CAMTA1: variants seen among roughly 807,000 people sequenced by gnomAD.
CAMTA1 encodes calmodulin binding transcription activator 1.
Under a neutral mutation model 170.9 loss-of-function variants are expected in CAMTA1, and 27 were observed. That is an observed-to-expected ratio of 0.16 (90% confidence interval 0.12 to 0.22). The LOEUF (loss-of-function observed/expected upper bound fraction) is 0.22. Ranked by LOEUF, CAMTA1 falls within the 10% of genes least tolerant of loss-of-function variation. The probability of loss-of-function intolerance (pLI) is 1.00; values close to 1 mark genes in which losing one functional copy is unlikely to be tolerated. For synonymous variants in CAMTA1, 833 were observed against 891.5 expected (o/e 0.93, Z 1.17); for missense variants, 1,619 against 2,217.2 (o/e 0.73, Z 5.42).
At chr1:6,907,328 C>G (rs1678729433) in intron 3 of CAMTA1, among the ~76,000 whole-genome samples, 1 of 152,126 alleles carries the variant, frequency 6.6e-6, no homozygotes, top group African/African-American at 2.4e-5. Flanking sequence ...GGAGACATGG[C>G]AAACGAACTT....
chr1:7,031,124 T>A (rs1702741392), intron 3 of CAMTA1, among the ~76,000 whole-genome samples: 1 of 151,458 alleles, frequency 6.6e-6, no homozygotes, highest in African/African-American at 2.4e-5. Flanking sequence ...TGGGATTCCT[T>A]AATGTTTTAT....
intron 18 of CAMTA1, among the ~76,000 whole-genome samples, chr1:7,746,554 G>A (rs1357267514): frequency 1.3e-5 from 2 of 152,220 alleles, no homozygotes; most frequent in Non-Finnish European, 2.9e-5. Context: ...GAGGCATAGA[G>A]AATAACTGGC....
At chr1:6,855,109 CCT>C (rs926809322) in intron 3 of CAMTA1, among the ~76,000 whole-genome samples, 3 of 151,970 alleles carry the variant, frequency 2.0e-5, no homozygotes, top group East Asian at 1.9e-4. Context: ...TTAAAAAAAA[CCT>C]CTTTATAACT....
Position 7,641,012 on chromosome 1 carries a change from T to C in CAMTA1, c.664+459T>C, listed in dbSNP as rs2095756453. 6.6e-6 allele frequency among the ~76,000 whole-genome samples: 1 copy of C among 152,160 alleles called. No homozygotes were observed. Among genetic ancestry groups the C allele is most frequent in the Non-Finnish European group, 1.5e-5 (1 of 68,020 alleles). ...TCAGGGCCTGCCTCGGCTCCCAGGCTGGGTGGCAAATAGATGATGGTAATT... is the reference window on the plus strand; with the variant it reads ...TCAGGGCCTGCCTCGGCTCCCAGGCCGGGTGGCAAATAGATGATGGTAATT... On this transcript the variant is annotated intron_variant, in intron 7 of 22. Coordinates refer to ENST00000303635, the MANE Select transcript of CAMTA1 (RefSeq NM_015215.4). The surrounding 1 kb of genome is among the most constrained non-coding windows in gnomAD (Gnocchi z 4.5).
intron 6 of CAMTA1, among the ~76,000 whole-genome samples, chr1:7,546,313 T>C (rs1365503613): frequency 1.3e-5 from 2 of 152,228 alleles, no homozygotes; most frequent in Admixed American, 6.5e-5. Flanking sequence ...TCTATCCATG[T>C]CCCTGCAAAG....
intron 3 of CAMTA1, among the ~76,000 whole-genome samples, chr1:7,075,987 ACT>A (rs758241166): frequency 1.2e-4 from 18 of 152,128 alleles, no homozygotes; most frequent in Non-Finnish European, 1.5e-5. Flanking sequence ...TTAGACCCTA[ACT>A]TAGGTGCCTG....
At chr1:6,800,698 ACT>A (rs1643666208) in intron 1 of CAMTA1, among the ~76,000 whole-genome samples, 1 of 152,018 alleles carries the variant, frequency 6.6e-6, no homozygotes, top group African/African-American at 2.4e-5. Context: ...GTAAATGAAG[ACT>A]CTTCCTATTT....
At chr1:6,819,800 A>G (rs767810074) in intron 1 of CAMTA1, among the ~76,000 whole-genome samples, 3 of 152,238 alleles carry the variant, frequency 2.0e-5, no homozygotes, top group Non-Finnish European at 2.9e-5. Flanking sequence ...ATTCTCCTCC[A>G]TAACCACAAG....
intron 7 of CAMTA1, among the ~76,000 whole-genome samples, chr1:7,656,229 G>T (rs139801381): frequency 1.3e-5 from 2 of 152,356 alleles, no homozygotes; most frequent in South Asian, 4.1e-4. Context: ...CAGACTGGCG[G>T]CTTAAACAAC....
At chr1:7,434,451 CCATTCATT>C (rs34014428) in intron 5 of CAMTA1, among the ~76,000 whole-genome samples, 10,422 of 150,878 alleles carry the variant, frequency 0.069, 810 homozygotes, top group African/African-American at 0.19. Context: ...GAGGAAAGCA[CCATTCATT>C]CATTCATTCA....
At chr1:7,127,011 C>T (rs904848579) in intron 4 of CAMTA1, among the ~76,000 whole-genome samples, 7 of 152,158 alleles carry the variant, frequency 4.6e-5, no homozygotes, top group South Asian at 2.1e-4. Context: ...CCTCATGATC[C>T]ACCCACCTCA....
chr1:7,709,472 A>G (rs2096552863), intron 11 of CAMTA1, among the ~76,000 whole-genome samples: 1 of 152,244 alleles, frequency 6.6e-6, no homozygotes, highest in Admixed American at 6.5e-5. Context: ...GGTCAGTTCA[A>G]GGAGGAGTGA....
chr1:7,346,624 T>C (rs938589178), intron 5 of CAMTA1, among the ~76,000 whole-genome samples: 3 of 152,186 alleles, frequency 2.0e-5, no homozygotes, highest in Admixed American at 1.3e-4. Context: ...AAAATGGAAT[T>C]TGCGGGGAAG....
intron 4 of CAMTA1, among the ~76,000 whole-genome samples, chr1:7,184,190 C>T (rs889348704): frequency 2.6e-5 from 4 of 151,870 alleles, no homozygotes; most frequent in Admixed American, 6.6e-5. Context: ...AACAATTGAA[C>T]GCATGGAGAT....
intron 4 of CAMTA1, among the ~76,000 whole-genome samples, chr1:7,111,909 A>C (rs1337078047): frequency 6.6e-6 from 1 of 151,530 alleles, no homozygotes; most frequent in Non-Finnish European, 1.5e-5. Flanking sequence ...AAAAAAAAAA[A>C]AAACCGAAGA....
At chr1:7,038,061 C>T (rs143739226) in intron 3 of CAMTA1, among the ~76,000 whole-genome samples, 1 of 151,948 alleles carries the variant, frequency 6.6e-6, no homozygotes, top group Non-Finnish European at 1.5e-5. Context: ...AATGAGGCTA[C>T]GTTAGTGCCT....
At position 7,663,889 on chromosome 1, in the gene CAMTA1, G is replaced by T. The variant is rs1439677467; in HGVS notation, c.1342G>T (p.Gly448Cys). 6.2e-7 allele frequency: 1 copy of T among 1,613,912 alleles called. No individual in the cohort carries two copies. Among genetic ancestry groups the T allele is most frequent in the Non-Finnish European group, 8.5e-7 (1 of 1,180,044 alleles). ...CCACAAGTTCGCCTTTCCCACCACG[G>T]GCAGCTCGGAGAGCCTGTCCATGCT... ...DGHKFAFPTT[G>C]SSESLSMLPT... Residue 448 changes from glycine to cysteine, a missense_variant, in exon 9 of 23, where the codon GGC becomes TGC. By Grantham distance (159) the Gly-to-Cys change is radical. Coordinates refer to ENST00000303635, the MANE Select transcript of CAMTA1 (RefSeq NM_015215.4).
intron 3 of CAMTA1, among the ~76,000 whole-genome samples, chr1:6,836,487 G>A (rs369114071): frequency 1.3e-5 from 2 of 152,168 alleles, no homozygotes; most frequent in Non-Finnish European, 2.9e-5. Context: ...GTAAAATGGC[G>A]AGAACCTGGA....
rs79481153 is a variant in CAMTA1, at chr1:7,510,520, G to A, written c.510+42619G>A. Among the ~76,000 whole-genome samples, 33 of 146,670 alleles carry A rather than the reference G, an allele frequency of 2.2e-4. 5 individuals are homozygous for A. In the East Asian group the frequency reaches 6.8e-3, roughly 30 times the overall value. On this transcript the variant is annotated intron_variant, in intron 6 of 22. Transcript: ENST00000303635. ...TAGTGACACATAGGTCACAGCTGTA[G>A]CTCGTACTATGACTGCGATGGGCAG... is the stretch of plus-strand genomic sequence containing the variant.
Sources: allele counts gnomAD v4.1 joint callset (sites outside exome capture counted in the v4.1 genomes callset), GRCh38; gene constraint gnomAD v4.1.1; non-coding constraint Gnocchi (gnomAD v3.1); transcripts MANE v1.5; gene names NCBI Gene and HGNC (gene_info 2026-07-23, HGNC 2026-07-21).